The following CACNA1B variants were observed in gnomAD, a reference collection of about 807,000 sequenced individuals.
CACNA1B encodes the protein calcium voltage-gated channel subunit alpha1 B.
CACNA1B carries 70 observed loss-of-function variants against 247.2 expected under a neutral mutation model. The ratio of observed to expected loss-of-function variants is 0.28; its 90% CI spans 0.23 to 0.35. The LOEUF (loss-of-function observed/expected upper bound fraction) is 0.35, where lower values mean the gene tolerates loss of function less well. CACNA1B is among the 10% of genes least tolerant of loss of function. CACNA1B has a pLI of 1.00. For synonymous variants in CACNA1B, 1,231 were observed against 1,294.4 expected (o/e 0.95, Z 1.05); for missense variants, 2,367 against 3,197.4 (o/e 0.74, Z 6.26).
At chr9:138,000,161 C>G (rs538299152) in intron 15 of CACNA1B, among the ~76,000 whole-genome samples, 22 of 149,254 alleles carry the variant, frequency 1.5e-4, no homozygotes, top group South Asian at 4.2e-4. Flanking sequence ...TGCAGTGGTG[C>G]GATCTCGGCT....
rs1465080319 is a variant in CACNA1B, at chr9:137,877,787, A to T, written c.-147A>T. 2.3e-5 allele frequency: 6 copies of T among 260,182 alleles called. No individual in the cohort carries two copies. Among genetic ancestry groups the T allele is most frequent in the African/African-American group, 4.7e-5 (2 of 42,158 alleles). 16.1% of individuals were successfully genotyped at this position (260,182 alleles called of 1,614,324 possible). A position where few individuals can be genotyped will look rare whatever the true frequency, so the allele number is the denominator to read the frequency against. On this transcript the variant is annotated 5_prime_UTR_variant, in exon 1 of 47. Coordinates refer to ENST00000371372, the MANE Select transcript of CACNA1B (RefSeq NM_000718.4). ...TGGCGCGGGGCCGCGGAGTCGGGTG[A>T]GGCGGCGGCGGCTGCGGCGGTGGGG...
chr9:138,088,644 T>C (rs1010007213), intron 36 of CACNA1B, among the ~76,000 whole-genome samples: 1 of 151,572 alleles, frequency 6.6e-6, no homozygotes, highest in Non-Finnish European at 1.5e-5. Flanking sequence ...TGTAATGAGA[T>C]TGAATCTGTA....
At chr9:138,028,745 G>A (rs1329512453) in intron 20 of CACNA1B, among the ~76,000 whole-genome samples, 1 of 152,200 alleles carries the variant, frequency 6.6e-6, no homozygotes, top group East Asian at 1.9e-4. Flanking sequence ...TTATGCAAAT[G>A]AAGGATTCAG....
chr9:137,883,357 C>G (rs1343614009), intron 3 of CACNA1B, among the ~76,000 whole-genome samples: 1 of 152,134 alleles, frequency 6.6e-6, no homozygotes, highest in Non-Finnish European at 1.5e-5. Flanking sequence ...GCTCAGAGCC[C>G]TTGTGCTGCC....
In CACNA1B at chr9:138,086,165, T is replaced by C. The variant is rs954902850; in HGVS notation, c.5094+7907T>C. ...AACCTTAAATGTAAATGGATTAAATTCCCTCACTTAAAGTATATAAACTGG... is the reference window on the plus strand; with the variant it reads ...AACCTTAAATGTAAATGGATTAAATCCCCTCACTTAAAGTATATAAACTGG... On this transcript the variant is annotated intron_variant, in intron 36 of 46. Transcript: ENST00000371372. 4.6e-5 allele frequency among the ~76,000 whole-genome samples: 7 copies of C among 151,162 alleles called. 1 individual carries two copies. Among genetic ancestry groups the C allele is most frequent in the Non-Finnish European group, 1.0e-4 (7 of 68,006 alleles).
rs201672561 is a variant in CACNA1B at position 138,122,390 on chromosome 9, G to A, written c.*391G>A. On this transcript the variant is annotated 3_prime_UTR_variant, in exon 47 of 47. Coordinates refer to ENST00000371372, the MANE Select transcript of CACNA1B (RefSeq NM_000718.4). ...GGGAGCACCCTTCACGTGGCCGTGC[G>A]GCACAGAGAAGCAGGGCCCACCTGA... The A allele has an allele frequency of 1.9e-5, 4 of 213,036 alleles. No homozygotes were observed. The highest frequency in any genetic ancestry group is 4.6e-5 in the African/African-American group (2 of 43,900). The allele number at this position is 213,036 out of a possible 1,614,324, so 13.2% of individuals were successfully genotyped here. A position where few individuals can be genotyped will look rare whatever the true frequency, so the allele number is the denominator to read the frequency against.
intron 18 of CACNA1B, chr9:138,017,259 C>T (rs1307445805): frequency 1.9e-6 from 1 of 513,048 alleles, no homozygotes; most frequent in Non-Finnish European, 3.9e-6. Context: ...CATGCAGACA[C>T]CTTCCTTCCA....
At chr9:138,097,401 G>A (rs1399709228) in intron 37 of CACNA1B, among the ~76,000 whole-genome samples, 2 of 152,080 alleles carry the variant, frequency 1.3e-5, no homozygotes, top group African/African-American at 4.8e-5. Context: ...GAGCTCATTC[G>A]GGAAGGAAGA....
chr9:137,885,436 C>T (rs1178757204), intron 3 of CACNA1B, among the ~76,000 whole-genome samples: 1 of 151,940 alleles, frequency 6.6e-6, no homozygotes. Context: ...GGGTAGTGGG[C>T]GGTATTTCTC....
intron 18 of CACNA1B, among the ~76,000 whole-genome samples, chr9:138,015,263 C>G (rs1958776884): frequency 1.3e-5 from 2 of 152,170 alleles, no homozygotes; most frequent in Admixed American, 1.3e-4. Flanking sequence ...GTGGCATGTC[C>G]TCAGCCCACT....
chr9:138,050,900 A>C lies in CACNA1B; in HGVS notation c.3711-1192A>C, dbSNP rs1959251650. 6.6e-6 allele frequency among the ~76,000 whole-genome samples: 1 copy of C among 151,928 alleles called. No individual in the cohort carries two copies. The highest frequency in any genetic ancestry group is 2.1e-4 in the South Asian group (1 of 4,816). On this transcript the variant is annotated intron_variant, in intron 24 of 46. Transcript: ENST00000371372. This position sits in a 1 kb window ranked among gnomAD's most constrained non-coding sequence, Gnocchi z 5.2. Reference sequence around the variant, plus strand: ...GGAGTGTAGCCTACAGTCAGGGGAGAAGAAGGGGACCAGGGTGCCTGAGAC... The same window carrying C: ...GGAGTGTAGCCTACAGTCAGGGGAGCAGAAGGGGACCAGGGTGCCTGAGAC...
At chr9:138,053,769 C>G in intron 25 of CACNA1B, 77 bp from the exon 26 acceptor site, 3 of 1,158,374 alleles carry the variant, frequency 2.6e-6, no homozygotes, top group Non-Finnish European at 3.8e-6. Context: ...CCCCGTGACC[C>G]TACCCTTCCC....
intron 37 of CACNA1B, among the ~76,000 whole-genome samples, chr9:138,098,145 A>G (rs933738654): frequency 2.0e-5 from 3 of 152,244 alleles, no homozygotes; most frequent in Non-Finnish European, 4.4e-5. Flanking sequence ...TGTGTTTCAC[A>G]GTGTATATGA....
At position 137,877,810 on chromosome 9, in the gene CACNA1B, G is replaced by C. The variant is rs943985174; in HGVS notation, c.-124G>C. The C allele has an allele frequency of 4.7e-6, 2 of 429,944 alleles. No individual in the cohort carries two copies. The highest frequency in any genetic ancestry group is 2.2e-5 in the African/African-American group (1 of 46,292). 26.6% of individuals were successfully genotyped at this position (429,944 alleles called of 1,614,324 possible). ...TGAGGCGGCGGCGGCTGCGGCGGTGGGGCCGGGCGAGGTCCGCTGCGGTCC... is the reference window on the plus strand; with the variant it reads ...TGAGGCGGCGGCGGCTGCGGCGGTGCGGCCGGGCGAGGTCCGCTGCGGTCC... On this transcript the variant is annotated 5_prime_UTR_variant, in exon 1 of 47. Coordinates refer to ENST00000371372, the MANE Select transcript of CACNA1B (RefSeq NM_000718.4).
Position 137,990,190 on chromosome 9 carries a change from T to C in CACNA1B, c.1974+3336T>C, listed in dbSNP as rs1036401435. 6.6e-6 allele frequency among the ~76,000 whole-genome samples: 1 copy of C among 152,052 alleles called. No homozygotes were observed. The highest frequency in any genetic ancestry group is 1.5e-5 in the Non-Finnish European group (1 of 68,010). ...GGGGTGAGGCCTGTGACTGCTGGCTTTCTCCCACTTTCCTGGAGGACCTGT... is the reference window on the plus strand; with the variant it reads ...GGGGTGAGGCCTGTGACTGCTGGCTCTCTCCCACTTTCCTGGAGGACCTGT... On this transcript the variant is annotated intron_variant, in intron 15 of 46. Coordinates refer to ENST00000371372, the MANE Select transcript of CACNA1B (RefSeq NM_000718.4). The surrounding 1 kb of genome is among the most constrained non-coding windows in gnomAD (Gnocchi z 4.5).
Position 138,051,192 on chromosome 9 carries a change from C to T in CACNA1B, c.3711-900C>T, listed in dbSNP as rs1959262778. Among the ~76,000 whole-genome samples, 1 of 152,092 alleles carries T rather than the reference C, an allele frequency of 6.6e-6. No individual in the cohort carries two copies. Among genetic ancestry groups the T allele is most frequent in the South Asian group, 2.1e-4 (1 of 4,812 alleles). On this transcript the variant is annotated intron_variant, in intron 24 of 46. Coordinates refer to ENST00000371372, the MANE Select transcript of CACNA1B (RefSeq NM_000718.4). This position sits in a 1 kb window ranked among gnomAD's most constrained non-coding sequence, Gnocchi z 4.3. ...GGAAATCTCTCCTAGACACTGCTGG[C>T]CCGGCCTCAGTAGGGTCGTGGGAGG...
At position 138,114,437 on chromosome 9, in the gene CACNA1B, C is replaced by A; in HGVS notation, c.5596C>A (p.Gln1866Lys). 2 of 1,594,310 alleles carry A rather than the reference C, an allele frequency of 1.3e-6. No homozygotes were observed. Among genetic ancestry groups the A allele is most frequent in the Non-Finnish European group, 1.7e-6 (2 of 1,169,818 alleles). ...TCTGATGATATTCGACTTCTACAAGCAGAACAAAACCACCAGAGACCAGAT... is the reference window on the plus strand; with the variant it reads ...TCTGATGATATTCGACTTCTACAAGAAGAACAAAACCACCAGAGACCAGAT... ...AALMIFDFYK[Q>K]NKTTRDQMQQ... The change falls in exon 41 of 47, where the codon CAG becomes AAG. Residue 1866 changes from glutamine (Q) to lysine (K), a missense_variant. Gln to Lys is a moderately conservative substitution (Grantham distance 53). Transcript: ENST00000371372.
rs1252984724 is a variant in CACNA1B at position 138,007,990 on chromosome 9, CCT to C, written c.2092+1112_2092+1113del. Among the ~76,000 whole-genome samples the C allele has an allele frequency of 6.7e-6, 1 of 150,150 alleles. No individual in the cohort carries two copies. The highest frequency in any genetic ancestry group is 1.5e-5 in the Non-Finnish European group (1 of 67,198). ...TCCTAGGCTGGCCCAGCAGGGGCTC[CCT>C]CTCTCAGTCTTGTTAGTCACGGGGT... On this transcript the variant is annotated intron_variant, in intron 16 of 46. Coordinates refer to ENST00000371372, the MANE Select transcript of CACNA1B (RefSeq NM_000718.4). The surrounding 1 kb of genome is among the most constrained non-coding windows in gnomAD (Gnocchi z 4.1).
rs201123677 is a variant in CACNA1B, at chr9:138,122,496, T to G, written c.*497T>G. On this transcript the variant is annotated 3_prime_UTR_variant, in exon 47 of 47. Transcript: ENST00000371372. ...TGTGCAGCCCGCCAGTGTCAGCGAA[T>G]GCTCACTCAGGCAAGCTCTGTCCTC... The G allele has an allele frequency of 3.8e-5, 6 of 159,676 alleles. No homozygotes were observed. The highest frequency in any genetic ancestry group is 1.2e-4 in the Admixed American group (2 of 16,456). 9.9% of individuals were successfully genotyped at this position (159,676 alleles called of 1,614,324 possible).
Sources: gnomAD v4.1 joint callset for allele counts (sites outside exome capture counted in the v4.1 genomes callset) on GRCh38, gnomAD v4.1.1 for gene constraint, Gnocchi (gnomAD v3.1) non-coding constraint, MANE v1.5 for transcripts, NCBI Gene and HGNC (gene_info 2026-07-23, HGNC 2026-07-21) for gene names.